The following CPEB2 variants were observed in gnomAD, a reference collection of about 807,000 sequenced individuals.
CPEB2 encodes the protein cytoplasmic polyadenylation element binding protein 2.
A neutral mutation model predicts 93.6 loss-of-function variants in CPEB2; 56 were observed. That is an observed-to-expected ratio of 0.60 (90% CI 0.48 to 0.75). The LOEUF (loss-of-function observed/expected upper bound fraction) is 0.75, where lower values mean the gene tolerates loss of function less well. Among genes scored for constraint, CPEB2 ranks in the 30% least tolerant of loss-of-function variants. CPEB2 has a pLI of 0.00. For missense variants in CPEB2, 1,579 were observed against 1,395.1 expected, an observed-to-expected ratio of 1.13 and a Z score of -2.10; for synonymous variants, 764 against 586.3, an observed-to-expected ratio of 1.30 and a Z score of -4.38.
chr4:15,052,935 A>T (rs543268743), intron 7 of CPEB2, among the ~76,000 whole-genome samples: 5 of 152,012 alleles, frequency 3.3e-5, no homozygotes, highest in Non-Finnish European at 7.4e-5. Flanking sequence ...GCATGCACAC[A>T]TACACTGAAA....
At chr4:15,041,548 ATG>A (rs200247126) in intron 6 of CPEB2, among the ~76,000 whole-genome samples, 1 of 151,996 alleles carries the variant, frequency 6.6e-6, no homozygotes, top group African/African-American at 2.4e-5. Flanking sequence ...GATTACAGGC[ATG>A]TGCCACCACA....
chr4:15,057,494 G>T (rs1426785549), intron 8 of CPEB2, among the ~76,000 whole-genome samples: 2 of 152,148 alleles, frequency 1.3e-5, no homozygotes, highest in Non-Finnish European at 2.9e-5. Context: ...ACTGGGACTA[G>T]ATTAAAATGC....
At chr4:15,025,026 T>A (rs1725290540) in intron 4 of CPEB2, among the ~76,000 whole-genome samples, 1 of 152,170 alleles carries the variant, frequency 6.6e-6, no homozygotes, top group African/African-American at 2.4e-5. Context: ...ATTACAGGCA[T>A]GAGCCACCAT....
At chr4:15,030,610 C>G (rs1196081913) in intron 4 of CPEB2, among the ~76,000 whole-genome samples, 2 of 151,914 alleles carry the variant, frequency 1.3e-5, no homozygotes, top group African/African-American at 4.8e-5. Context: ...AAAAGTTAAC[C>G]TATGAAGATG....
intron 1 of CPEB2, 69 bp downstream of exon 1, chr4:15,004,404 C>A: frequency 8.2e-7 from 1 of 1,214,258 alleles, no homozygotes; most frequent in Non-Finnish European, 1.1e-6. Flanking sequence ...GAGGCGGGGG[C>A]AGGGCAGCCG....
At chr4:15,050,164 A>T (rs994278773) in intron 6 of CPEB2, among the ~76,000 whole-genome samples, 1 of 152,206 alleles carries the variant, frequency 6.6e-6, no homozygotes, top group African/African-American at 2.4e-5. Flanking sequence ...AGGGCAAGTG[A>T]GCATTGCTGC....
intron 4 of CPEB2, among the ~76,000 whole-genome samples, chr4:15,024,346 A>G (rs1211783213): frequency 1.3e-5 from 2 of 152,104 alleles, no homozygotes; most frequent in African/African-American, 2.4e-5. Context: ...TTGAGACACT[A>G]TATGTATTAA....
At chr4:15,007,200 C>A in intron 1 of CPEB2, 105 bp from the exon 2 acceptor site, 1 of 940,756 alleles carries the variant, frequency 1.1e-6, no homozygotes. Flanking sequence ...ATTCTTTTGC[C>A]TTTATATATT....
In CPEB2 at chr4:15,046,657, ATTC is replaced by A. The variant is rs551161050; in HGVS notation, c.2201-5752_2201-5750del. The stretch of plus-strand genomic sequence containing the variant: ...ATGTGCTTCTAACCCATTCCATTGT[ATTC>A]TTCTGTAAAGTTCCATTACAAGTCT... On this transcript the variant is annotated intron_variant, in intron 6 of 11. Coordinates refer to ENST00000538197, the MANE Select transcript of CPEB2 (RefSeq NM_001177382.2). Among the ~76,000 whole-genome samples, 554 of 152,220 alleles carry A rather than the reference ATTC, an allele frequency of 3.6e-3. 4 individuals are homozygous for A. The highest frequency in any genetic ancestry group is 3.9e-3 in the Non-Finnish European group (263 of 67,988).
intron 6 of CPEB2, among the ~76,000 whole-genome samples, chr4:15,047,854 T>A (rs1439880512): frequency 2.6e-5 from 4 of 151,540 alleles, no homozygotes; most frequent in African/African-American, 7.2e-5. Flanking sequence ...CTTTTTTTTT[T>A]AAATGCTCTT....
chr4:15,012,947 TTAA>T (rs1723679298), intron 3 of CPEB2, among the ~76,000 whole-genome samples: 1 of 152,002 alleles, frequency 6.6e-6, no homozygotes, highest in South Asian at 2.1e-4. Flanking sequence ...GCAAAAAAAA[TTAA>T]TATCTCTTCA....
chr4:15,018,779 A>G (rs1435336134), intron 4 of CPEB2, among the ~76,000 whole-genome samples: 1 of 149,528 alleles, frequency 6.7e-6, no homozygotes, highest in East Asian at 1.9e-4. Context: ...TTTTTTTTCA[A>G]AAGGCTTTTT....
At chr4:15,064,176 A>G (rs1329698979) in intron 11 of CPEB2, among the ~76,000 whole-genome samples, 1 of 152,110 alleles carries the variant, frequency 6.6e-6, no homozygotes, top group Non-Finnish European at 1.5e-5. Context: ...GTCACCACAG[A>G]TGTGTAATTC....
At chr4:15,025,209 A>C (rs1725318238) in intron 4 of CPEB2, among the ~76,000 whole-genome samples, 1 of 151,868 alleles carries the variant, frequency 6.6e-6, no homozygotes, top group African/African-American at 2.4e-5. Context: ...TGTTTTAAAA[A>C]TTTTTGCTAA....
chr4:15,017,082 A>G (rs1724239744), intron 3 of CPEB2, 106 bp from the exon 4 acceptor site: 2 of 652,572 alleles, frequency 3.1e-6, no homozygotes, highest in African/African-American at 3.7e-5. Flanking sequence ...TTAATTAGTA[A>G]TAATCAGAAG....
At chr4:15,022,543 A>G (rs953336112) in intron 4 of CPEB2, among the ~76,000 whole-genome samples, 4 of 152,170 alleles carry the variant, frequency 2.6e-5, no homozygotes, top group African/African-American at 9.6e-5. Context: ...AAATGTTTCC[A>G]TTTATTTCAA....
At chr4:15,012,875 A>G (rs1191686713) in intron 3 of CPEB2, among the ~76,000 whole-genome samples, 5 of 152,034 alleles carry the variant, frequency 3.3e-5, no homozygotes, top group African/African-American at 1.2e-4. Flanking sequence ...CTCATTTTCA[A>G]GAGGAGAAGT....
At chr4:15,008,908 A>G (rs1435500088) in intron 3 of CPEB2, among the ~76,000 whole-genome samples, 2 of 152,232 alleles carry the variant, frequency 1.3e-5, no homozygotes, top group African/African-American at 2.4e-5. Flanking sequence ...ATTAAAAAAT[A>G]TATAGCCTAG....
chr4:15,046,974 T>G (rs1339321712), intron 6 of CPEB2, among the ~76,000 whole-genome samples: 2 of 152,220 alleles, frequency 1.3e-5, no homozygotes, highest in South Asian at 2.1e-4. Context: ...TTCAGTATGG[T>G]GTGATACAAG....
Sources: gnomAD v4.1 joint callset for allele counts (sites outside exome capture counted in the v4.1 genomes callset) on GRCh38, gnomAD v4.1.1 for gene constraint, MANE v1.5 for transcripts, NCBI Gene and HGNC (gene_info 2026-07-23, HGNC 2026-07-21) for gene names.